The following CNTN4 variants were observed in gnomAD, a reference collection of about 807,000 sequenced individuals.
The protein encoded by CNTN4 is contactin-4.
In CNTN4, 77 loss-of-function variants were observed where a neutral mutation model predicts 122.5. That is an observed-to-expected ratio of 0.63 (90% confidence interval 0.52 to 0.76). The LOEUF is 0.76. Among genes scored for constraint, CNTN4 ranks in the 30% least tolerant of loss-of-function variants. CNTN4 has a pLI of 0.00. For missense variants in CNTN4, 1,256 were observed against 1,259.1 expected (o/e 1.00, Z 0.04); for synonymous variants, 512 against 447.0 (o/e 1.15, Z -1.83).
chr3:2,735,860 C>T, intron 4 of CNTN4: 1 of 434,460 alleles, frequency 2.3e-6, no homozygotes, highest in Non-Finnish European at 4.5e-6. Context: ...CAGCCATCCA[C>T]AATGACAGTA....
At chr3:2,982,407 A>T (rs1694113554) in intron 13 of CNTN4, among the ~76,000 whole-genome samples, 1 of 152,140 alleles carries the variant, frequency 6.6e-6, no homozygotes, top group Non-Finnish European at 1.5e-5. Context: ...TGGCTTATAT[A>T]ACTGGGGCGT....
In CNTN4 at chr3:2,537,185, A is replaced by G. The variant is rs117943202; in HGVS notation, c.-88-34231A>G. Among the ~76,000 whole-genome samples, 854 of 152,232 alleles carry G rather than the reference A, an allele frequency of 5.6e-3. 22 individuals carry two copies. Among genetic ancestry groups the G allele is most frequent in the East Asian group, 0.042 (218 of 5,160 alleles). Reference sequence around the variant, plus strand: ...AACCATGTAGTGCATGTTTTCATACACTATATTTGTACTGGTATGAAGTCA... The same window carrying G: ...AACCATGTAGTGCATGTTTTCATACGCTATATTTGTACTGGTATGAAGTCA... On this transcript the variant is annotated intron_variant, in intron 3 of 24. Coordinates refer to ENST00000418658, the MANE Select transcript of CNTN4 (RefSeq NM_175607.3).
intron 2 of CNTN4, among the ~76,000 whole-genome samples, chr3:2,333,583 T>A (rs1215864937): frequency 6.6e-6 from 1 of 152,250 alleles, no homozygotes; most frequent in Non-Finnish European, 1.5e-5. Context: ...ATGTATCATC[T>A]TGTATTTTGT....
At chr3:2,998,795 A>C (rs1192941136) in intron 14 of CNTN4, among the ~76,000 whole-genome samples, 1 of 152,218 alleles carries the variant, frequency 6.6e-6, no homozygotes, top group African/African-American at 2.4e-5. Context: ...GGAACTGTGG[A>C]AAATAGGCAA....
intron 3 of CNTN4, among the ~76,000 whole-genome samples, chr3:2,375,828 T>C (rs1243683834): frequency 3.3e-5 from 5 of 152,080 alleles, no homozygotes; most frequent in Non-Finnish European, 5.9e-5. Context: ...CATCCATGCC[T>C]CTGAATTGCT....
At chr3:2,394,914 G>T (rs960074959) in intron 3 of CNTN4, among the ~76,000 whole-genome samples, 1 of 148,716 alleles carries the variant, frequency 6.7e-6, no homozygotes, top group Admixed American at 6.9e-5. Flanking sequence ...AGCCTCCCAA[G>T]TAGCTTAGGT....
intron 3 of CNTN4, among the ~76,000 whole-genome samples, chr3:2,413,877 T>C (rs916134295): frequency 2.6e-5 from 4 of 152,228 alleles, no homozygotes; most frequent in Non-Finnish European, 5.9e-5. Context: ...ATTATTTTTC[T>C]GACTACCTAC....
chr3:2,476,116 G>C (rs1481264740), intron 3 of CNTN4, among the ~76,000 whole-genome samples: 1 of 152,200 alleles, frequency 6.6e-6, no homozygotes, highest in African/African-American at 2.4e-5. Flanking sequence ...TGGTGGGCCA[G>C]AGGACTCCTT....
At position 2,189,700 on chromosome 3, in the gene CNTN4, A is replaced by G. The variant is rs543681377; in HGVS notation, c.-145+89061A>G. ...AGATGGCGCTCTTCATTATTCATGA[A>G]AAATACGATTTCCATAGAACTCTGT... On this transcript the variant is annotated intron_variant, in intron 2 of 24. Coordinates refer to ENST00000418658, the MANE Select transcript of CNTN4 (RefSeq NM_175607.3). Among the ~76,000 whole-genome samples the G allele has an allele frequency of 4.7e-5, 7 of 150,354 alleles. No homozygotes were observed. The South Asian group carries it at 8.6e-4, about 19-fold the overall frequency.
chr3:2,891,178 G>T (rs185772419), intron 10 of CNTN4, among the ~76,000 whole-genome samples: 43 of 152,256 alleles, frequency 2.8e-4, no homozygotes, highest in African/African-American at 9.9e-4. Context: ...TAATGAGGTT[G>T]ATTGGCCAGG....
intron 13 of CNTN4, among the ~76,000 whole-genome samples, chr3:2,982,954 G>T (rs751027383): frequency 6.6e-6 from 1 of 151,944 alleles, no homozygotes; most frequent in African/African-American, 2.4e-5. Flanking sequence ...AGTGGCTCAC[G>T]CCTGTAATCC....
chr3:2,845,992 T>C lies in CNTN4; in HGVS notation c.455-20760T>C, dbSNP rs535252497. On this transcript the variant is annotated intron_variant, in intron 7 of 24. Transcript: ENST00000418658. ...AGTGTGATCATAGAGATGCCATTTT[T>C]GTCTTCAGTAATCAACCCTTCTTCC... Among the ~76,000 whole-genome samples the C allele has an allele frequency of 5.6e-4, 85 of 152,370 alleles. 1 individual carries two copies. Among genetic ancestry groups the C allele is most frequent in the African/African-American group, 1.9e-3 (77 of 41,604 alleles).
intron 12 of CNTN4, among the ~76,000 whole-genome samples, chr3:2,916,249 G>T (rs1281637071): frequency 2.6e-5 from 4 of 151,480 alleles, no homozygotes; most frequent in African/African-American, 9.7e-5. Context: ...GTTTCTCCGA[G>T]AGGGGGATTT....
rs138839379 is a variant in CNTN4, at chr3:2,585,798, C to T, written c.55+14240C>T. On this transcript the variant is annotated intron_variant, in intron 4 of 24. Transcript: ENST00000418658. ...GCACACGTATACATATGTAACAAAC[C>T]TGCACATTGTGCACACGTACCCTAA... 1.4e-3 allele frequency among the ~76,000 whole-genome samples: 205 copies of T among 150,848 alleles called. 1 individual carries two copies. The highest frequency in any genetic ancestry group is 4.9e-3 in the African/African-American group (201 of 40,990).
At chr3:2,332,339 T>G (rs902580241) in intron 2 of CNTN4, among the ~76,000 whole-genome samples, 1 of 152,184 alleles carries the variant, frequency 6.6e-6, no homozygotes, top group Non-Finnish European at 1.5e-5. Flanking sequence ...AAGTAATCTC[T>G]CCAAATAAGT....
At chr3:2,642,267 C>A (rs1220685394) in intron 4 of CNTN4, among the ~76,000 whole-genome samples, 1 of 152,172 alleles carries the variant, frequency 6.6e-6, no homozygotes, top group Admixed American at 6.5e-5. Flanking sequence ...GGAGATTAAG[C>A]CCGTTCAGTC....
rs56014308 is a variant in CNTN4, at chr3:2,287,711, GGAA to G, written c.-144-51402_-144-51400del. On this transcript the variant is annotated intron_variant, in intron 2 of 24. Transcript: ENST00000418658. ...AAGAAGAGGAAGAAGAAGAAGAAGA[GGAA>G]GAAGAAGAAGAAGAAGAAGAAGAAG... Among the ~76,000 whole-genome samples, 440 of 65,292 alleles carry G rather than the reference GGAA, an allele frequency of 6.7e-3. 8 individuals are homozygous for G. The highest frequency in any genetic ancestry group is 0.01 in the Admixed American group (52 of 5,182). The allele number at this position is 65,292 out of a possible 152,430, so 42.8% of individuals were successfully genotyped here.
intron 2 of CNTN4, among the ~76,000 whole-genome samples, chr3:2,105,396 G>T (rs1475459541): frequency 6.6e-6 from 1 of 152,134 alleles, no homozygotes; most frequent in Non-Finnish European, 1.5e-5. Flanking sequence ...AGAAAGAACT[G>T]CCTGAGACTG....
intron 6 of CNTN4, among the ~76,000 whole-genome samples, chr3:2,818,727 G>T (rs566115004): frequency 4.0e-5 from 6 of 151,868 alleles, no homozygotes; most frequent in Non-Finnish European, 8.8e-5. Context: ...GTGATCTTTG[G>T]GTTTATAAAT....
Sources: allele counts gnomAD v4.1 joint callset (sites outside exome capture counted in the v4.1 genomes callset), GRCh38; gene constraint gnomAD v4.1.1; transcripts MANE v1.5; gene names NCBI Gene and HGNC (gene_info 2026-07-23, HGNC 2026-07-21).